The following CADPS2 variants were observed in gnomAD, a reference collection of about 807,000 sequenced individuals.
CADPS2 encodes calcium dependent secretion activator 2, also known as calcium-dependent secretion activator 2.
Under a neutral mutation model 172.5 loss-of-function variants are expected in CADPS2, and 93 were observed. The ratio of observed to expected loss-of-function variants is 0.54; its 90% CI spans 0.46 to 0.64. CADPS2 has a LOEUF of 0.64. CADPS2 is among the 30% of genes least tolerant of loss of function. CADPS2 has a pLI of 0.00. For missense variants in CADPS2, 1,420 were observed against 1,565.9 expected (o/e 0.91, Z 1.57); for synonymous variants, 546 against 555.2 (o/e 0.98, Z 0.23).
At chr7:122,827,792 A>G (rs898847692) in intron 1 of CADPS2, among the ~76,000 whole-genome samples, 1 of 152,178 alleles carries the variant, frequency 6.6e-6, no homozygotes, top group Non-Finnish European at 1.5e-5. Flanking sequence ...AAAAATACAG[A>G]CAAGTATCAC....
At chr7:122,631,071 A>G (rs950289162) in intron 3 of CADPS2, among the ~76,000 whole-genome samples, 2 of 152,164 alleles carry the variant, frequency 1.3e-5, no homozygotes, top group African/African-American at 4.8e-5. Context: ...TACGGGTTCC[A>G]GGTTAACTGA....
intron 1 of CADPS2, among the ~76,000 whole-genome samples, chr7:122,817,360 T>G (rs1019429835): frequency 7.2e-5 from 11 of 152,124 alleles, no homozygotes; most frequent in Non-Finnish European, 1.3e-4. Context: ...CTCCAACCTC[T>G]CTCATCACTG....
intron 28 of CADPS2, among the ~76,000 whole-genome samples, chr7:122,345,080 T>C (rs1213409121): frequency 6.6e-6 from 1 of 151,952 alleles, no homozygotes; most frequent in African/African-American, 2.4e-5. Flanking sequence ...CCAACAAATA[T>C]ACCTTTGATG....
chr7:122,603,575 C>G (rs527604221), intron 6 of CADPS2, among the ~76,000 whole-genome samples: 1 of 152,064 alleles, frequency 6.6e-6, no homozygotes, highest in South Asian at 2.1e-4. Flanking sequence ...AATTAACTCA[C>G]AAAATAGTCC....
intron 1 of CADPS2, among the ~76,000 whole-genome samples, chr7:122,853,180 C>A (rs2141139269): frequency 6.6e-6 from 1 of 152,256 alleles, no homozygotes; most frequent in East Asian, 1.9e-4. Flanking sequence ...CAGCTGGCTT[C>A]TGATGTCAAT....
intron 1 of CADPS2, among the ~76,000 whole-genome samples, chr7:122,838,213 T>TC: frequency 6.6e-6 from 1 of 152,290 alleles, no homozygotes; most frequent in South Asian, 2.1e-4. Context: ...GAAAAGGCCT[T>TC]TGACAAAATT....
chr7:122,434,268 C>T (rs1400219770), intron 17 of CADPS2, among the ~76,000 whole-genome samples: 2 of 151,870 alleles, frequency 1.3e-5, no homozygotes, highest in African/African-American at 4.8e-5. Context: ...TAGGTGTGTT[C>T]TTTCTCCTCT....
rs1459520549 is a variant in CADPS2, at chr7:122,705,095, A to G, written c.453+31860T>C. Among the ~76,000 whole-genome samples the G allele has an allele frequency of 2.0e-5, 3 of 151,968 alleles. No homozygotes were observed. The East Asian group carries it at 5.8e-4, about 29-fold the overall frequency. ...TTTTATAATTGACAATGCTTCCATC[A>G]AGGATGAGGCCCTCAATGCAACTTA... On this transcript the variant is annotated intron_variant, in intron 2 of 29. Coordinates refer to ENST00000449022, the MANE Select transcript of CADPS2 (RefSeq NM_017954.11).
At chr7:122,432,643 T>TTAAA (rs1437259467) in intron 17 of CADPS2, among the ~76,000 whole-genome samples, 2 of 108,542 alleles carry the variant, frequency 1.8e-5, no homozygotes, top group African/African-American at 6.8e-5. Flanking sequence ...TCTGTTAAAA[T>TTAAA]AAAAAAAAAA....
intron 1 of CADPS2, among the ~76,000 whole-genome samples, chr7:122,817,006 C>A (rs973892884): frequency 1.4e-4 from 21 of 151,506 alleles, no homozygotes; most frequent in African/African-American, 5.1e-4. Flanking sequence ...AGAGAACCCC[C>A]CTTTGACTGT....
chr7:122,660,910 G>A (rs569328547), intron 3 of CADPS2, among the ~76,000 whole-genome samples: 8 of 151,364 alleles, frequency 5.3e-5, no homozygotes, highest in Admixed American at 2.6e-4. Context: ...ACTTCGTCTC[G>A]GAAAAAAAAG....
At chr7:122,528,906 C>T (rs1392497181) in intron 8 of CADPS2, among the ~76,000 whole-genome samples, 1 of 152,072 alleles carries the variant, frequency 6.6e-6, no homozygotes, top group Non-Finnish European at 1.5e-5. Context: ...TGAACTACCA[C>T]TTCACTTCCT....
At chr7:122,660,002 A>G (rs2080341449) in intron 3 of CADPS2, among the ~76,000 whole-genome samples, 2 of 152,220 alleles carry the variant, frequency 1.3e-5, no homozygotes, top group Admixed American at 6.5e-5. Context: ...AGACATGATA[A>G]AAGTTCTTCA....
At chr7:122,764,174 CA>C (rs1164782790) in intron 1 of CADPS2, among the ~76,000 whole-genome samples, 4 of 152,078 alleles carry the variant, frequency 2.6e-5, no homozygotes, top group Non-Finnish European at 5.9e-5. Context: ...TTAGATATCA[CA>C]TTCTCCAGAA....
At chr7:122,632,546 T>C (rs2076675543) in intron 3 of CADPS2, among the ~76,000 whole-genome samples, 1 of 152,106 alleles carries the variant, frequency 6.6e-6, no homozygotes, top group South Asian at 2.1e-4. Flanking sequence ...CATTTTTGAG[T>C]TGGATTGATT....
chr7:122,387,079 C>T lies in CADPS2; in HGVS notation c.3259G>A (p.Val1087Ile). The part of the protein sequence containing the change: ...ASVCTMFNVL[V>I]DAKKQSTKLC... ...TTGGTGCTTTGCTTTTTGGCATCGA[C>T]TAATACATTAAACATAGTGCAAACG... is the stretch of plus-strand genomic sequence containing the variant. Residue 1087 changes from valine (V) to isoleucine (I), a missense_variant, in exon 24 of 30, where the codon GTC (valine) becomes ATC (isoleucine). By Grantham distance (29) the Val-to-Ile change is conservative. Coordinates refer to ENST00000449022, the MANE Select transcript of CADPS2 (RefSeq NM_017954.11). 1 of 1,562,622 alleles carries T rather than the reference C, an allele frequency of 6.4e-7. No individual in the cohort carries two copies. The highest frequency in any genetic ancestry group is 8.7e-7 in the Non-Finnish European group (1 of 1,151,484).
rs566375540 is a variant in CADPS2 at position 122,553,664 on chromosome 7, C to G, written c.1475+886G>C. On this transcript the variant is annotated intron_variant, in intron 8 of 29. Transcript: ENST00000449022. The stretch of plus-strand genomic sequence containing the variant: ...GAATCCTCCTCATTTTTTGAATCAT[C>G]AGTTCGCTCCACCCTGATGTTAGTG... Among the ~76,000 whole-genome samples, 30 of 152,218 alleles carry G rather than the reference C, an allele frequency of 2.0e-4. No individual in the cohort carries two copies. In the South Asian group the frequency reaches 5.8e-3, roughly 29 times the overall value.
intron 12 of CADPS2, among the ~76,000 whole-genome samples, chr7:122,478,418 G>A (rs1051990253): frequency 6.6e-6 from 1 of 152,220 alleles, no homozygotes; most frequent in African/African-American, 2.4e-5. Context: ...ATTGGTAATT[G>A]AGGATACTGG....
At chr7:122,634,786 T>TG (rs2076903468) in intron 3 of CADPS2, among the ~76,000 whole-genome samples, 1 of 152,174 alleles carries the variant, frequency 6.6e-6, no homozygotes, top group South Asian at 2.1e-4. Context: ...ATGAAGGTGT[T>TG]TAGCACTGTA....
Sources: allele counts gnomAD v4.1 joint callset (sites outside exome capture counted in the v4.1 genomes callset), GRCh38; gene constraint gnomAD v4.1.1; transcripts MANE v1.5; gene names NCBI Gene and HGNC (gene_info 2026-07-23, HGNC 2026-07-21).